DOCK10: variants seen among roughly 807,000 people sequenced by gnomAD.
DOCK10 encodes dedicator of cytokinesis 10.
Under a neutral mutation model 280.1 loss-of-function variants are expected in DOCK10, and 145 were observed. That is an observed-to-expected ratio of 0.52 (90% CI 0.45 to 0.59). The LOEUF is 0.59. DOCK10 is among the 20% of genes least tolerant of loss of function. DOCK10 has a pLI of 0.00. For synonymous variants in DOCK10, 915 were observed against 942.2 expected (o/e 0.97, Z 0.53); for missense variants, 2,368 against 2,651.7 (o/e 0.89, Z 2.35).
chr2:225,039,336 A>T (rs943218410), intron 1 of DOCK10, among the ~76,000 whole-genome samples: 5 of 152,212 alleles, frequency 3.3e-5, no homozygotes, highest in Non-Finnish European at 7.3e-5. Context: ...TGAGAACTTG[A>T]CATGATCCTT....
chr2:224,785,298 T>TA (rs1169716508), intron 50 of DOCK10, among the ~76,000 whole-genome samples: 2 of 151,790 alleles, frequency 1.3e-5, no homozygotes, highest in African/African-American at 2.4e-5. Flanking sequence ...TTTGCTTTTT[T>TA]TTTTGGTATA....
At chr2:224,804,719 C>T in intron 38 of DOCK10, 75 bp downstream of exon 38, 1 of 991,684 alleles carries the variant, frequency 1.0e-6, no homozygotes. Context: ...ATTTGTAACT[C>T]TAACCTGACA....
At chr2:224,832,601 T>A (rs1695308016) in intron 26 of DOCK10, among the ~76,000 whole-genome samples, 1 of 152,230 alleles carries the variant, frequency 6.6e-6, no homozygotes, top group African/African-American at 2.4e-5. Flanking sequence ...CTACCAATAC[T>A]ATTCTAGCAC....
chr2:224,922,967 T>G (rs978030135), intron 2 of DOCK10, among the ~76,000 whole-genome samples: 1 of 152,254 alleles, frequency 6.6e-6, no homozygotes, highest in Non-Finnish European at 1.5e-5. Flanking sequence ...GATTTTAACC[T>G]AAATTTCTCA....
rs1034958838 is a variant in DOCK10 at position 224,810,836 on chromosome 2, T to A, written c.3410-2750A>T. Among the ~76,000 whole-genome samples, 5 of 152,116 alleles carry A rather than the reference T, an allele frequency of 3.3e-5. No homozygotes were observed. In the East Asian group the frequency reaches 9.7e-4, roughly 29 times the overall value. On this transcript the variant is annotated intron_variant, in intron 31 of 55. Coordinates refer to ENST00000258390, the MANE Select transcript of DOCK10 (RefSeq NM_014689.3). ...AACTCATCATTTTTTATGGCTGCAT[T>A]GTATTCCATGGTGTATATGTGCCAC... is the stretch of plus-strand genomic sequence containing the variant.
chr2:225,008,814 T>A (rs1689349414), intron 1 of DOCK10, among the ~76,000 whole-genome samples: 1 of 152,218 alleles, frequency 6.6e-6, no homozygotes, highest in South Asian at 2.1e-4. Context: ...TGCTCCACTA[T>A]CTGCCCATAA....
chr2:224,981,357 AT>A (rs1444346015), intron 1 of DOCK10, among the ~76,000 whole-genome samples: 5 of 152,156 alleles, frequency 3.3e-5, no homozygotes, highest in African/African-American at 1.2e-4. Flanking sequence ...AGTAACAGGT[AT>A]TTTTCATTCA....
intron 19 of DOCK10, among the ~76,000 whole-genome samples, chr2:224,847,962 T>C (rs961388895): frequency 6.6e-6 from 1 of 152,198 alleles, no homozygotes; most frequent in African/African-American, 2.4e-5. Context: ...TCCTGGATTT[T>C]CCAAATGAGC....
chr2:224,950,692 G>T (rs1703681178), intron 1 of DOCK10, among the ~76,000 whole-genome samples: 1 of 152,218 alleles, frequency 6.6e-6, no homozygotes, highest in African/African-American at 2.4e-5. Flanking sequence ...TGTCAAAAGG[G>T]AAAGTCCAGC....
intron 1 of DOCK10, among the ~76,000 whole-genome samples, chr2:225,016,632 C>CATATATCTATGTGCACATAGATA (rs1689608406): frequency 4.0e-5 from 1 of 24,722 alleles, no homozygotes; most frequent in Non-Finnish European, 7.6e-5. Context: ...CACATAGATA[C>CATATATCTATGTGCACATAGATA]ATATATCTAT....
intron 12 of DOCK10, 44 bp from the exon 13 acceptor site, chr2:224,864,719 T>G: frequency 4.4e-6 from 7 of 1,583,170 alleles, no homozygotes; most frequent in Non-Finnish European, 6.0e-6. Context: ...AGAAACCACA[T>G]TGTAGACATT....
intron 1 of DOCK10, chr2:224,982,218 G>A (rs552044234): frequency 6.5e-6 from 8 of 1,231,738 alleles, no homozygotes; most frequent in Non-Finnish European, 8.1e-6. Context: ...ATTATGATGA[G>A]GGTTCTGGGT....
At chr2:224,953,882 G>A (rs1382447527) in intron 1 of DOCK10, among the ~76,000 whole-genome samples, 1 of 152,074 alleles carries the variant, frequency 6.6e-6, no homozygotes, top group Non-Finnish European at 1.5e-5. Flanking sequence ...CAATAACAGA[G>A]ACTGCAGTTT....
chr2:224,791,959 G>A (rs778125026), intron 47 of DOCK10, among the ~76,000 whole-genome samples: 25 of 152,102 alleles, frequency 1.6e-4, no homozygotes, highest in Non-Finnish European at 2.9e-4. Flanking sequence ...GTTTGTACAC[G>A]GAGTTTTCCA....
chr2:224,901,298 C>G (rs969318125), intron 3 of DOCK10, among the ~76,000 whole-genome samples: 1 of 152,088 alleles, frequency 6.6e-6, no homozygotes, highest in Non-Finnish European at 1.5e-5. Flanking sequence ...TCCAATTTTC[C>G]CCTACTGACT....
chr2:224,794,478 C>T (rs1427679868), intron 45 of DOCK10, among the ~76,000 whole-genome samples: 1 of 152,172 alleles, frequency 6.6e-6, no homozygotes, highest in Admixed American at 6.5e-5. Flanking sequence ...GACTGATTCC[C>T]CCTGCCTGAG....
intron 1 of DOCK10, among the ~76,000 whole-genome samples, chr2:224,933,515 AAC>A (rs1416672392): frequency 1.3e-5 from 2 of 152,216 alleles, no homozygotes; most frequent in African/African-American, 2.4e-5. Context: ...TCAAGTCTGA[AAC>A]AGTTGGCTTA....
At chr2:224,810,563 C>T (rs577245364) in intron 31 of DOCK10, among the ~76,000 whole-genome samples, 41 of 151,242 alleles carry the variant, frequency 2.7e-4, no homozygotes, top group African/African-American at 9.7e-4. Context: ...ATACATGTGC[C>T]ATGTTGGTGT....
chr2:224,987,429 G>A lies in DOCK10; in HGVS notation c.123+54823C>T, dbSNP rs567834342. Among the ~76,000 whole-genome samples, 6 of 152,308 alleles carry A rather than the reference G, an allele frequency of 3.9e-5. No homozygotes were observed. In the South Asian group the frequency reaches 1.2e-3, roughly 32 times the overall value. ...AACTGGATAACTGCCCTTGGACCCT[G>A]TTCTCAGCACAGATAAAACACTAGA... On this transcript the variant is annotated intron_variant, in intron 1 of 55. Transcript: ENST00000258390.
Sources: gnomAD v4.1 joint callset for allele counts (sites outside exome capture counted in the v4.1 genomes callset) on GRCh38, gnomAD v4.1.1 for gene constraint, MANE v1.5 for transcripts, NCBI Gene and HGNC (gene_info 2026-07-23, HGNC 2026-07-21) for gene names.